The following MIPOL1 variants were observed in gnomAD, a reference collection of about 807,000 sequenced individuals.
MIPOL1 encodes mirror-image polydactyly 1.
Under a neutral mutation model 60.9 loss-of-function variants are expected in MIPOL1, and 57 were observed. The observed-to-expected ratio is 0.94, with a 90% confidence interval of 0.76 to 1.17. The LOEUF (loss-of-function observed/expected upper bound fraction) is 1.17. MIPOL1 is among the 50% of genes most tolerant of loss of function. The pLI is 0.00. For missense variants in MIPOL1, 551 were observed against 511.6 expected, an observed-to-expected ratio of 1.08 and a Z score of -0.74; for synonymous variants, 179 against 168.8, an observed-to-expected ratio of 1.06 and a Z score of -0.47.
chr14:37,332,023 AG>A (rs2089734612), intron 9 of MIPOL1, among the ~76,000 whole-genome samples: 1 of 152,112 alleles, frequency 6.6e-6, no homozygotes, highest in African/African-American at 2.4e-5. Context: ...CTGTAATCCC[AG>A]CTGCTCGGGA....
chr14:37,239,017 G>A (rs1232705280), intron 1 of MIPOL1, among the ~76,000 whole-genome samples: 1 of 150,810 alleles, frequency 6.6e-6, no homozygotes, highest in African/African-American at 2.4e-5. Context: ...TGTCTTTTGG[G>A]AAGTCTTTCA....
At chr14:37,417,471 A>C (rs991855256) in intron 10 of MIPOL1, among the ~76,000 whole-genome samples, 1 of 152,178 alleles carries the variant, frequency 6.6e-6, no homozygotes, top group Non-Finnish European at 1.5e-5. Context: ...ACAATATACT[A>C]TGGAAATACA....
intron 9 of MIPOL1, among the ~76,000 whole-genome samples, chr14:37,320,084 C>A (rs1181514062): frequency 6.6e-6 from 1 of 152,016 alleles, no homozygotes; most frequent in Non-Finnish European, 1.5e-5. Flanking sequence ...AGATTGTTTT[C>A]ATTTTTAACC....
At chr14:37,324,115 A>G (rs2088901850) in intron 9 of MIPOL1, among the ~76,000 whole-genome samples, 1 of 152,010 alleles carries the variant, frequency 6.6e-6, no homozygotes, top group South Asian at 2.1e-4. Context: ...ATAGGGATGT[A>G]TTTATTTTTA....
intron 12 of MIPOL1, among the ~76,000 whole-genome samples, chr14:37,539,205 AAAAAT>A (rs1376082113): frequency 6.6e-6 from 1 of 152,044 alleles, no homozygotes; most frequent in Admixed American, 6.5e-5. Flanking sequence ...CCGTCTCAAA[AAAAAT>A]AAAATAAAAA....
Position 37,357,622 on chromosome 14 carries a change from A to G in MIPOL1, c.829-11895A>G, listed in dbSNP as rs778450705. On this transcript the variant is annotated intron_variant, in intron 9 of 12. Transcript: ENST00000684589. ...AAATCAGGTTATTAGATCTTTTCCAATAGAGTTGTTTGAGCTCCTTATATA... is the reference window on the plus strand; with the variant it reads ...AAATCAGGTTATTAGATCTTTTCCAGTAGAGTTGTTTGAGCTCCTTATATA... 4.6e-5 allele frequency among the ~76,000 whole-genome samples: 7 copies of G among 152,162 alleles called. No homozygotes were observed. In the East Asian group the frequency reaches 7.8e-4, roughly 17 times the overall value.
At chr14:37,351,199 A>G (rs1339698426) in intron 9 of MIPOL1, among the ~76,000 whole-genome samples, 7 of 145,826 alleles carry the variant, frequency 4.8e-5, no homozygotes, top group Admixed American at 2.8e-4. Context: ...GAGAATGATG[A>G]TTTCCAATTT....
At chr14:37,449,998 A>G (rs543288237) in intron 11 of MIPOL1, among the ~76,000 whole-genome samples, 194 of 152,164 alleles carry the variant, frequency 1.3e-3, no homozygotes, top group African/African-American at 4.3e-3. Flanking sequence ...TTTTTAGTAG[A>G]GACAGGGTTT....
chr14:37,538,471 A>C (rs2153639450), intron 12 of MIPOL1, among the ~76,000 whole-genome samples: 1 of 152,360 alleles, frequency 6.6e-6, no homozygotes, highest in African/African-American at 2.4e-5. Context: ...AAAAAAAGTG[A>C]TAGCAAATTC....
chr14:37,271,780 T>G (rs1227996447), intron 6 of MIPOL1, among the ~76,000 whole-genome samples: 6 of 151,648 alleles, frequency 4.0e-5, no homozygotes, highest in Non-Finnish European at 8.9e-5. Flanking sequence ...TTGGATACTC[T>G]TACAAGAATT....
At chr14:37,263,653 A>C (rs1382653298) in intron 3 of MIPOL1, among the ~76,000 whole-genome samples, 1 of 152,230 alleles carries the variant, frequency 6.6e-6, no homozygotes, top group Admixed American at 6.5e-5. Context: ...CAGACTTCAT[A>C]ACTTTTGAAT....
At chr14:37,451,090 A>G (rs1162893575) in intron 11 of MIPOL1, among the ~76,000 whole-genome samples, 1 of 152,152 alleles carries the variant, frequency 6.6e-6, no homozygotes, top group African/African-American at 2.4e-5. Context: ...CTCTACTCAA[A>G]TTATTCTAAA....
intron 11 of MIPOL1, among the ~76,000 whole-genome samples, chr14:37,457,228 G>A (rs2094486938): frequency 6.6e-6 from 1 of 152,152 alleles, no homozygotes; most frequent in African/African-American, 2.4e-5. Flanking sequence ...TTACCTACAA[G>A]TGGGTGTTTC....
rs140681592 is a variant in MIPOL1, at chr14:37,523,292, A to G, written c.1262+23154A>G. ...TTTGTGATGGATTTTGTCCGTTTAA[A>G]AATAGCCCCTTTTGACTACTGGAAG... On this transcript the variant is annotated intron_variant, in intron 12 of 12. Transcript: ENST00000684589. 5.9e-3 allele frequency among the ~76,000 whole-genome samples: 891 copies of G among 152,262 alleles called. 10 individuals are homozygous for G. The highest frequency in any genetic ancestry group is 0.018 in the African/African-American group (768 of 41,562).
chr14:37,408,305 A>G (rs1283295085), intron 10 of MIPOL1, among the ~76,000 whole-genome samples: 1 of 152,176 alleles, frequency 6.6e-6, no homozygotes. Flanking sequence ...TGAAAATGTC[A>G]ATCTGAAACT....
Position 37,500,143 on chromosome 14 carries a change from G to A in MIPOL1, c.1262+5G>A, listed in dbSNP as rs2095194779. On this transcript the variant is annotated splice_donor_5th_base_variant and intron_variant, in intron 12 of 12. Transcript: ENST00000684589. ...GGCCAATGAAAAAGTTCAAAAGTAA[G>A]TTAAATGATCTTGTAATAATACTTC... 6.3e-7 allele frequency: 1 copy of A among 1,575,956 alleles called. No individual in the cohort carries two copies. Among genetic ancestry groups the A allele is most frequent in the Non-Finnish European group, 8.7e-7 (1 of 1,152,714 alleles).
intron 3 of MIPOL1, among the ~76,000 whole-genome samples, chr14:37,258,215 TATAAAG>T (rs1382732532): frequency 6.6e-6 from 1 of 152,174 alleles, no homozygotes; most frequent in Non-Finnish European, 1.5e-5. Flanking sequence ...GAGTGGCACA[TATAAAG>T]AAAGTTTGTT....
At chr14:37,475,541 G>C (rs1324342158) in intron 11 of MIPOL1, among the ~76,000 whole-genome samples, 1 of 151,922 alleles carries the variant, frequency 6.6e-6, no homozygotes, top group African/African-American at 2.4e-5. Flanking sequence ...TTAAGAAGTT[G>C]TATAATTTTT....
chr14:37,374,465 T>A (rs1313091617), intron 10 of MIPOL1, among the ~76,000 whole-genome samples: 1 of 152,188 alleles, frequency 6.6e-6, no homozygotes, highest in Non-Finnish European at 1.5e-5. Context: ...TGCCCATGCC[T>A]GTGTCCTGAA....
Sources: gnomAD v4.1 joint callset for allele counts (sites outside exome capture counted in the v4.1 genomes callset) on GRCh38, gnomAD v4.1.1 for gene constraint, MANE v1.5 for transcripts, NCBI Gene and HGNC (gene_info 2026-07-23, HGNC 2026-07-21) for gene names.